Variants in KIAA1217 observed in about 807,000 individuals in gnomAD.
KIAA1217 encodes KIAA1217.
KIAA1217 carries 88 observed loss-of-function variants against 163.9 expected under a neutral mutation model. The ratio of observed to expected loss-of-function variants is 0.54; its 90% confidence interval spans 0.45 to 0.64. The LOEUF is 0.64. Ranked by LOEUF, KIAA1217 falls within the 30% of genes least tolerant of loss-of-function variation. The pLI, the probability that KIAA1217 is intolerant of heterozygous loss-of-function variation, is 0.00. For synonymous variants in KIAA1217, 903 were observed against 923.1 expected (o/e 0.98, Z 0.39); for missense variants, 2,372 against 2,475.0 (o/e 0.96, Z 0.88).
At chr10:24,395,837 G>T (rs748717654) in intron 3 of KIAA1217, among the ~76,000 whole-genome samples, 2 of 151,936 alleles carry the variant, frequency 1.3e-5, no homozygotes, top group African/African-American at 4.8e-5. Context: ...ATTACACTTG[G>T]CTATTTTGTT....
At chr10:23,871,746 C>G (rs1309667050) in intron 1 of KIAA1217, among the ~76,000 whole-genome samples, 3 of 152,090 alleles carry the variant, frequency 2.0e-5, no homozygotes, top group Non-Finnish European at 4.4e-5. Flanking sequence ...CTTTTCAAGA[C>G]TCTAACTGTA....
chr10:23,878,224 CT>C (rs1257379846), intron 1 of KIAA1217, among the ~76,000 whole-genome samples: 3 of 151,862 alleles, frequency 2.0e-5, no homozygotes, highest in Non-Finnish European at 4.4e-5. Context: ...AGAGCACATT[CT>C]TTATGGAGGC....
chr10:23,806,068 T>C (rs1386796676), intron 1 of KIAA1217, among the ~76,000 whole-genome samples: 2 of 138,916 alleles, frequency 1.4e-5, no homozygotes, highest in African/African-American at 5.3e-5. Flanking sequence ...TTTGATGTCA[T>C]CAAATGATAA....
chr10:24,426,301 A>G lies in KIAA1217; in HGVS notation c.554-6694A>G, dbSNP rs77475476. On this transcript the variant is annotated intron_variant, in intron 3 of 20. Transcript: ENST00000376454. ...CTTACCATCTGGTGAGGGAAACTGT[A>G]TACAACAAACCATAATGCAGGATTA... Among the ~76,000 whole-genome samples, 789 of 152,318 alleles carry G rather than the reference A, an allele frequency of 5.2e-3. 6 individuals are homozygous for G. Among genetic ancestry groups the G allele is most frequent in the African/African-American group, 0.018 (736 of 41,578 alleles).
intron 2 of KIAA1217, among the ~76,000 whole-genome samples, chr10:24,174,704 T>A (rs1231978083): frequency 2.0e-5 from 3 of 150,852 alleles, no homozygotes; most frequent in Non-Finnish European, 4.5e-5. Context: ...ACTACAGACA[T>A]TTTTTAAATT....
At chr10:24,464,760 C>T (rs1252047597) in intron 5 of KIAA1217, among the ~76,000 whole-genome samples, 1 of 152,194 alleles carries the variant, frequency 6.6e-6, no homozygotes, top group Non-Finnish European at 1.5e-5. Context: ...GCTAGGATTA[C>T]AGGCGTGAGC....
chr10:24,376,766 A>G (rs1450706827), intron 2 of KIAA1217, among the ~76,000 whole-genome samples: 1 of 152,162 alleles, frequency 6.6e-6, no homozygotes, highest in East Asian at 1.9e-4. Flanking sequence ...TGACTGAATG[A>G]ATGAATGAAT....
chr10:23,953,574 G>T (rs958642834), intron 1 of KIAA1217, among the ~76,000 whole-genome samples: 2 of 152,230 alleles, frequency 1.3e-5, no homozygotes, highest in Non-Finnish European at 2.9e-5. Flanking sequence ...GGACCATTAA[G>T]GGGAAACATT....
At chr10:23,815,461 G>A (rs574557415) in intron 1 of KIAA1217, among the ~76,000 whole-genome samples, 12 of 152,208 alleles carry the variant, frequency 7.9e-5, no homozygotes, top group South Asian at 2.1e-4. Context: ...TGGCTAACAC[G>A]GTGAAACCCC....
rs11014041 is a variant in KIAA1217 at position 24,342,105 on chromosome 10, C to T, written c.355-38764C>T. ...TTTTAGAAGTACAGTACACTGTACA[C>T]GTCCTAGTCACTGGGGAGCTCTGTG... On this transcript the variant is annotated intron_variant, in intron 2 of 20. Coordinates refer to ENST00000376454, the MANE Select transcript of KIAA1217 (RefSeq NM_019590.5). 9.0e-3 allele frequency among the ~76,000 whole-genome samples: 1,378 copies of T among 152,282 alleles called. 69 individuals carry two copies. In the East Asian group the frequency reaches 0.13, roughly 14 times the overall value.
chr10:24,216,466 C>G (rs190974678), intron 1 of KIAA1217, among the ~76,000 whole-genome samples: 4 of 152,258 alleles, frequency 2.6e-5, no homozygotes, highest in Non-Finnish European at 5.9e-5. Flanking sequence ...ATTCATCTAG[C>G]TGTCCTGGAT....
At chr10:23,955,171 G>T (rs1025935758) in intron 1 of KIAA1217, among the ~76,000 whole-genome samples, 1 of 152,146 alleles carries the variant, frequency 6.6e-6, no homozygotes, top group Non-Finnish European at 1.5e-5. Context: ...GTTCACAGAG[G>T]GGGTAAGCGG....
chr10:24,338,024 G>C (rs2046617158), intron 2 of KIAA1217, among the ~76,000 whole-genome samples: 1 of 152,162 alleles, frequency 6.6e-6, no homozygotes, highest in Non-Finnish European at 1.5e-5. Flanking sequence ...CTCTCAAAGT[G>C]TTTTCTAAAT....
chr10:24,107,642 T>C (rs1225610090), intron 2 of KIAA1217, among the ~76,000 whole-genome samples: 4 of 152,228 alleles, frequency 2.6e-5, no homozygotes, highest in Non-Finnish European at 5.9e-5. Context: ...TTAGTGATTT[T>C]GAGCGTTTTT....
chr10:24,274,589 G>A (rs1416625050), intron 2 of KIAA1217, among the ~76,000 whole-genome samples: 2 of 152,084 alleles, frequency 1.3e-5, no homozygotes, highest in Admixed American at 1.3e-4. Context: ...CAGTATTGAT[G>A]TTCTATAAAC....
At chr10:24,357,701 A>C (rs1446480039) in intron 2 of KIAA1217, among the ~76,000 whole-genome samples, 2 of 152,198 alleles carry the variant, frequency 1.3e-5, no homozygotes, top group East Asian at 1.9e-4. Context: ...GGGGCGTTTT[A>C]GTGAAAATTG....
At chr10:24,107,026 C>G (rs1270659879) in intron 2 of KIAA1217, among the ~76,000 whole-genome samples, 2 of 152,138 alleles carry the variant, frequency 1.3e-5, no homozygotes, top group African/African-American at 4.8e-5. Flanking sequence ...TCAATCCTCA[C>G]CCTCCTCCCA....
intron 2 of KIAA1217, among the ~76,000 whole-genome samples, chr10:24,347,586 A>G (rs1161488800): frequency 6.6e-6 from 1 of 152,008 alleles, no homozygotes; most frequent in Admixed American, 6.6e-5. Flanking sequence ...CACAAGTTTT[A>G]TTTTTTTTAA....
intron 2 of KIAA1217, among the ~76,000 whole-genome samples, chr10:24,070,288 TAA>T (rs56759196): frequency 1.2e-4 from 17 of 145,310 alleles, no homozygotes; most frequent in Non-Finnish European, 2.4e-4. Context: ...TCAGAATTGA[TAA>T]AAAAAAAAGA....
Sources: allele counts gnomAD v4.1 joint callset (sites outside exome capture counted in the v4.1 genomes callset), GRCh38; gene constraint gnomAD v4.1.1; transcripts MANE v1.5; gene names NCBI Gene and HGNC (gene_info 2026-07-23, HGNC 2026-07-21).